The following IFT81 variants were observed in gnomAD, a reference collection of about 807,000 sequenced individuals.
IFT81 encodes the protein intraflagellar transport 81.
A neutral mutation model predicts 102.6 loss-of-function variants in IFT81; 72 were observed. The observed-to-expected ratio is 0.70, with a 90% confidence interval of 0.58 to 0.85. The LOEUF (loss-of-function observed/expected upper bound fraction) is 0.85, where lower values mean the gene tolerates loss of function less well. Among genes scored for constraint, IFT81 ranks in the 40% least tolerant of loss-of-function variants. The probability of loss-of-function intolerance (pLI) is 0.00; values close to 1 mark genes in which losing one functional copy is unlikely to be tolerated. For synonymous variants in IFT81, 237 were observed against 242.7 expected (o/e 0.98, Z 0.22); for missense variants, 723 against 787.3 (o/e 0.92, Z 0.98).
At chr12:110,146,874 G>A in intron 9 of IFT81, 79 bp from the exon 10 acceptor site, 1 of 1,407,966 alleles carries the variant, frequency 7.1e-7, no homozygotes, top group Non-Finnish European at 9.3e-7. Context: ...ATTCAAAGCT[G>A]GTTTGGCCAG....
intron 11 of IFT81, among the ~76,000 whole-genome samples, chr12:110,164,275 A>G (rs547706375): frequency 7.9e-5 from 12 of 152,294 alleles, no homozygotes; most frequent in African/African-American, 2.6e-4. Context: ...AATATTTTTT[A>G]TAGATGGCTA....
rs141781425 is a variant in IFT81, at chr12:110,186,132, T to G, written c.1339-4788T>G. ...CCTTCATTTTGAAGCACATTTTTAC[T>G]GAATGTAGAATTTTTGGTTGGCAGC... On this transcript the variant is annotated intron_variant, in intron 12 of 18. Transcript: ENST00000242591. Among the ~76,000 whole-genome samples the G allele has an allele frequency of 5.6e-3, 846 of 152,362 alleles. 11 individuals are homozygous for G. The highest frequency in any genetic ancestry group is 0.02 in the African/African-American group (817 of 41,578).
intron 14 of IFT81, among the ~76,000 whole-genome samples, chr12:110,195,059 T>C (rs1386231605): frequency 6.6e-6 from 1 of 152,226 alleles, no homozygotes; most frequent in Non-Finnish European, 1.5e-5. Flanking sequence ...CTGTGTCATA[T>C]CATCTGAAAG....
intron 11 of IFT81, among the ~76,000 whole-genome samples, chr12:110,179,724 TTATATATATATATATATATATATATA>T (rs751481208): frequency 0.02 from 998 of 48,700 alleles, 44 homozygotes; most frequent in African/African-American, 0.038. Flanking sequence ...TATCTCGAAA[TTATATATATATATATATATATATATA>T]TATATATATA....
At chr12:110,213,989 G>A (rs562343023) in intron 18 of IFT81, among the ~76,000 whole-genome samples, 60 of 152,098 alleles carry the variant, frequency 3.9e-4, no homozygotes, top group African/African-American at 1.4e-3. Flanking sequence ...TCTAAAAAGT[G>A]TTCACCTGTG....
At chr12:110,144,583 T>G (rs1895089750) in intron 9 of IFT81, among the ~76,000 whole-genome samples, 1 of 151,498 alleles carries the variant, frequency 6.6e-6, no homozygotes, top group Admixed American at 6.6e-5. Flanking sequence ...AGATCTCAGC[T>G]CCCTGCAACC....
chr12:110,192,668 G>A lies in IFT81; in HGVS notation c.1519G>A (p.Val507Ile). The A allele has an allele frequency of 6.3e-7, 1 of 1,593,354 alleles. No individual in the cohort carries two copies. Among genetic ancestry groups the A allele is most frequent in the Non-Finnish European group, 8.5e-7 (1 of 1,171,068 alleles). The change falls in exon 14 of 19, where the codon GTT becomes ATT. Residue 507 changes from valine to isoleucine, a missense_variant. Physicochemically the swap from Val to Ile is conservative, Grantham distance 29. Transcript: ENST00000242591. ...VSEKKSALAS[V>I]IKELRQLRQK... ...TGAAAAGAAGTCAGCTCTTGCCTCAGTTATAAAAGAGCTACGACAGTTGCG... is the reference window on the plus strand; with the variant it reads ...TGAAAAGAAGTCAGCTCTTGCCTCAATTATAAAAGAGCTACGACAGTTGCG...
chr12:110,143,390 A>C lies in IFT81; in HGVS notation c.790A>C (p.Lys264Gln). 7.5e-7 allele frequency: 1 copy of C among 1,336,302 alleles called. No individual in the cohort carries two copies. The highest frequency in any genetic ancestry group is 1.0e-6 in the Non-Finnish European group (1 of 999,036). 82.8% of individuals were successfully genotyped at this position (1,336,302 alleles called of 1,614,324 possible). ...AADAKPESLM[K>Q]RLEEEIKFNL... The stretch of plus-strand genomic sequence containing the variant: ...TTATTTTATTTTTAAAGGTTTAATG[A>C]AGAGGCTAGAGGAGGAGATAAAATT... The change falls in exon 9 of 19, where the codon AAG (lysine) becomes CAG (glutamine). Residue 264 changes from lysine (K) to glutamine (Q), a missense_variant. Coordinates refer to ENST00000242591, the MANE Select transcript of IFT81 (RefSeq NM_014055.4).
chr12:110,142,546 T>C (rs1256704066), intron 8 of IFT81, among the ~76,000 whole-genome samples: 2 of 152,110 alleles, frequency 1.3e-5, no homozygotes, highest in African/African-American at 4.8e-5. Context: ...TGATAATGAA[T>C]TATCATTTAT....
chr12:110,135,575 A>G, intron 7 of IFT81, 138 bp downstream of exon 7: 1 of 571,460 alleles, frequency 1.7e-6, no homozygotes, highest in Non-Finnish European at 3.1e-6. Context: ...TTTAATTAAG[A>G]TAAATATTTC....
intron 10 of IFT81, among the ~76,000 whole-genome samples, chr12:110,147,706 G>A (rs1443006148): frequency 1.3e-5 from 2 of 152,094 alleles, no homozygotes; most frequent in Non-Finnish European, 2.9e-5. Context: ...AATTACAAAG[G>A]TAGAGGCAAA....
chr12:110,160,484 C>T (rs914977792), intron 10 of IFT81, among the ~76,000 whole-genome samples: 11 of 152,168 alleles, frequency 7.2e-5, no homozygotes, highest in Non-Finnish European at 1.0e-4. Context: ...GTAGACTCAG[C>T]GAGCAAAGCT....
intron 12 of IFT81, among the ~76,000 whole-genome samples, chr12:110,186,104 T>C (rs1385838817): frequency 6.6e-6 from 1 of 152,210 alleles, no homozygotes; most frequent in Non-Finnish European, 1.5e-5. Flanking sequence ...CACCTGTATT[T>C]TACCTTCATT....
intron 1 of IFT81, among the ~76,000 whole-genome samples, chr12:110,126,695 G>C (rs1456619474): frequency 6.6e-6 from 1 of 152,138 alleles, no homozygotes; most frequent in Non-Finnish European, 1.5e-5. Context: ...GCAATAAGGA[G>C]CATACAGATG....
rs374491264 is a variant in IFT81 at position 110,192,612 on chromosome 12, A to G, written c.1468-5A>G. On this transcript the variant is annotated splice_polypyrimidine_tract_variant and splice_region_variant and intron_variant, in intron 13 of 18. Coordinates refer to ENST00000242591, the MANE Select transcript of IFT81 (RefSeq NM_014055.4). ...TAGGTGTTATATTTTTTGTTCAAAT[A>G]ACAGGTGAAAAAACTGTATTCATTG... 94 of 1,483,466 alleles carry G rather than the reference A, an allele frequency of 6.3e-5. No homozygotes were observed. The highest frequency in any genetic ancestry group is 8.6e-5 in the African/African-American group (6 of 70,130). The allele number at this position is 1,483,466 out of a possible 1,614,324, so 91.9% of individuals were successfully genotyped here. A position where few individuals can be genotyped will look rare whatever the true frequency, so the allele number is the denominator to read the frequency against.
chr12:110,147,071 C>T (rs1895269515), intron 10 of IFT81, 23 bp downstream of exon 10: 1 of 1,562,602 alleles, frequency 6.4e-7, no homozygotes, highest in Non-Finnish European at 8.7e-7. Context: ...TTTTGGCTCA[C>T]ATATTTAGAT....
chr12:110,170,717 A>G (rs1449981950), intron 11 of IFT81, among the ~76,000 whole-genome samples: 1 of 152,210 alleles, frequency 6.6e-6, no homozygotes, highest in Non-Finnish European at 1.5e-5. Flanking sequence ...TCCTTGGTTT[A>G]TGGTGTATGG....
intron 18 of IFT81, among the ~76,000 whole-genome samples, chr12:110,213,213 T>C (rs1462040050): frequency 6.6e-6 from 1 of 152,216 alleles, no homozygotes; most frequent in Non-Finnish European, 1.5e-5. Context: ...TATTAGCTTA[T>C]ATATCTCTTA....
At chr12:110,195,592 T>A (rs1026678813) in intron 14 of IFT81, among the ~76,000 whole-genome samples, 1 of 152,188 alleles carries the variant, frequency 6.6e-6, no homozygotes, top group African/African-American at 2.4e-5. Flanking sequence ...CATTTCTATC[T>A]TGTCACTGCA....
Sources: gnomAD v4.1 joint callset for allele counts (sites outside exome capture counted in the v4.1 genomes callset) on GRCh38, gnomAD v4.1.1 for gene constraint, MANE v1.5 for transcripts, NCBI Gene and HGNC (gene_info 2026-07-23, HGNC 2026-07-21) for gene names.